The following CDH12 variants were observed in gnomAD, a reference collection of about 807,000 sequenced individuals.
The protein encoded by CDH12 is cadherin-12.
In CDH12, 41 loss-of-function variants were observed where a neutral mutation model predicts 74.1. That is an observed-to-expected ratio of 0.55 (90% confidence interval 0.43 to 0.72). The LOEUF is 0.72. CDH12 is among the 30% of genes least tolerant of loss of function. The pLI is 0.00. For synonymous variants in CDH12, 399 were observed against 355.0 expected (o/e 1.12, Z -1.39); for missense variants, 945 against 977.2 (o/e 0.97, Z 0.44).
intron 1 of CDH12, among the ~76,000 whole-genome samples, chr5:22,701,999 A>C (rs986605719): frequency 6.6e-6 from 1 of 152,176 alleles, no homozygotes; most frequent in African/African-American, 2.4e-5. Flanking sequence ...TTACCTGTTC[A>C]AAACCCAAGA....
intron 11 of CDH12, 55 bp downstream of exon 11, chr5:21,783,303 G>A (rs1746012920): frequency 6.8e-7 from 1 of 1,475,966 alleles, no homozygotes; most frequent in Non-Finnish European, 9.3e-7. Context: ...TCATTTAAGA[G>A]TCTTAAATCC....
intron 1 of CDH12, among the ~76,000 whole-genome samples, chr5:22,629,028 T>G (rs1430584479): frequency 6.6e-6 from 1 of 151,604 alleles, no homozygotes; most frequent in Non-Finnish European, 1.5e-5. Context: ...TCTGGAAGCA[T>G]AAACTCCCAA....
intron 1 of CDH12, among the ~76,000 whole-genome samples, chr5:22,699,514 C>T (rs181120780): frequency 6.6e-6 from 1 of 152,042 alleles, no homozygotes; most frequent in African/African-American, 2.4e-5. Flanking sequence ...AGTAGTGCCC[C>T]CTGGAGAAGA....
At chr5:22,844,532 T>G (rs150064454) in intron 1 of CDH12, among the ~76,000 whole-genome samples, 1 of 152,124 alleles carries the variant, frequency 6.6e-6, no homozygotes, top group Non-Finnish European at 1.5e-5. Flanking sequence ...GCACACTGGA[T>G]AGCTAACATC....
At chr5:22,193,562 A>T (rs563237747) in intron 4 of CDH12, among the ~76,000 whole-genome samples, 3 of 152,302 alleles carry the variant, frequency 2.0e-5, no homozygotes, top group African/African-American at 4.8e-5. Flanking sequence ...TAATTCAGAA[A>T]AAAAGCTAAT....
chr5:21,972,345 C>T (rs1259170983), intron 6 of CDH12, among the ~76,000 whole-genome samples: 8 of 152,080 alleles, frequency 5.3e-5, no homozygotes, highest in Admixed American at 5.2e-4. Flanking sequence ...ATATCTACAA[C>T]AGGCAGTAAG....
At chr5:22,247,811 T>TA (rs1753006055) in intron 3 of CDH12, among the ~76,000 whole-genome samples, 1 of 152,198 alleles carries the variant, frequency 6.6e-6, no homozygotes, top group Non-Finnish European at 1.5e-5. Context: ...AATGAATAGT[T>TA]ATAAGGAGCA....
chr5:21,960,305 T>C (rs1441373558), intron 6 of CDH12, among the ~76,000 whole-genome samples: 5 of 152,172 alleles, frequency 3.3e-5, no homozygotes, highest in Non-Finnish European at 7.3e-5. Flanking sequence ...CAGTGGTCCA[T>C]ATGTAAGTCT....
At chr5:22,329,890 T>C (rs1490397655) in intron 3 of CDH12, among the ~76,000 whole-genome samples, 1 of 152,204 alleles carries the variant, frequency 6.6e-6, no homozygotes, top group Non-Finnish European at 1.5e-5. Context: ...ACTGAAGTGT[T>C]CTGGGCTCCT....
At chr5:22,102,975 C>T (rs970862652) in intron 4 of CDH12, among the ~76,000 whole-genome samples, 11 of 151,302 alleles carry the variant, frequency 7.3e-5, no homozygotes, top group Admixed American at 3.3e-4. Context: ...GGAACAGGCA[C>T]GCATCTACAC....
At chr5:22,444,032 T>C (rs572054624) in intron 2 of CDH12, among the ~76,000 whole-genome samples, 18 of 152,180 alleles carry the variant, frequency 1.2e-4, no homozygotes, top group African/African-American at 4.3e-4. Context: ...TGATTATCAA[T>C]TTTCAAAGCA....
chr5:21,788,047 A>G (rs1746290962), intron 10 of CDH12, among the ~76,000 whole-genome samples: 1 of 152,166 alleles, frequency 6.6e-6, no homozygotes, highest in South Asian at 2.1e-4. Context: ...GTATTTGCTG[A>G]GTGTCCACTA....
At chr5:22,387,375 G>T (rs1742045246) in intron 3 of CDH12, among the ~76,000 whole-genome samples, 1 of 151,796 alleles carries the variant, frequency 6.6e-6, no homozygotes, top group Non-Finnish European at 1.5e-5. Flanking sequence ...CCCTTTAGTT[G>T]TTACAGCTTG....
intron 6 of CDH12, among the ~76,000 whole-genome samples, chr5:21,861,256 A>G (rs1751029412): frequency 6.6e-6 from 1 of 151,504 alleles, no homozygotes; most frequent in South Asian, 2.1e-4. Context: ...TTACCCACTA[A>G]CCTGTATTTC....
At chr5:21,938,707 T>TTA (rs1755183185) in intron 6 of CDH12, among the ~76,000 whole-genome samples, 2 of 132,954 alleles carry the variant, frequency 1.5e-5, no homozygotes, top group African/African-American at 3.0e-5. Flanking sequence ...TTATAATATT[T>TTA]TATATATATA....
intron 1 of CDH12, among the ~76,000 whole-genome samples, chr5:22,779,840 G>A (rs1747298225): frequency 6.6e-6 from 1 of 152,106 alleles, no homozygotes; most frequent in South Asian, 2.1e-4. Flanking sequence ...CCCAGTTTCA[G>A]GCAGTTCTTT....
intron 10 of CDH12, among the ~76,000 whole-genome samples, chr5:21,798,163 GATAA>G (rs1357620099): frequency 2.6e-5 from 4 of 151,854 alleles, no homozygotes; most frequent in African/African-American, 9.7e-5. Flanking sequence ...ATAAAAGACT[GATAA>G]ATAATGTTAG....
intron 4 of CDH12, among the ~76,000 whole-genome samples, chr5:22,100,910 G>A (rs544074015): frequency 6.6e-6 from 1 of 151,994 alleles, no homozygotes; most frequent in East Asian, 1.9e-4. Flanking sequence ...AACCAGATGA[G>A]TTATGTCCAT....
intron 4 of CDH12, among the ~76,000 whole-genome samples, chr5:22,181,669 A>G (rs1171658740): frequency 6.6e-6 from 1 of 152,132 alleles, no homozygotes; most frequent in African/African-American, 2.4e-5. Context: ...CATTTAATAT[A>G]ATGTACACAA....
Sources: allele counts gnomAD v4.1 joint callset (sites outside exome capture counted in the v4.1 genomes callset), GRCh38; gene constraint gnomAD v4.1.1; transcripts MANE v1.5; gene names NCBI Gene and HGNC (gene_info 2026-07-23, HGNC 2026-07-21).